Variants in HCLS1 observed in about 807,000 individuals in gnomAD.
HCLS1 encodes the protein hematopoietic lineage cell-specific protein.
In HCLS1, 44 loss-of-function variants were observed where a neutral mutation model predicts 68.6. That is an observed-to-expected ratio of 0.64 (90% CI 0.50 to 0.82). HCLS1 has a LOEUF of 0.82. Ranked by LOEUF, HCLS1 falls within the 40% of genes least tolerant of loss-of-function variation. The probability of loss-of-function intolerance (pLI) is 0.00; values close to 1 mark genes in which losing one functional copy is unlikely to be tolerated. For missense variants in HCLS1, 602 were observed against 612.1 expected, an observed-to-expected ratio of 0.98 and a Z score of 0.17; for synonymous variants, 217 against 225.8, an observed-to-expected ratio of 0.96 and a Z score of 0.35.
intron 3 of HCLS1, among the ~76,000 whole-genome samples, chr3:121,656,515 A>G (rs919673751): frequency 2.0e-5 from 3 of 152,176 alleles, no homozygotes; most frequent in African/African-American, 7.2e-5. Context: ...GACATATCCC[A>G]CAGAAACCCC....
At chr3:121,647,571 A>C in intron 3 of HCLS1, 123 bp from the exon 4 acceptor site, 1 of 902,002 alleles carries the variant, frequency 1.1e-6, no homozygotes, top group Non-Finnish European at 1.7e-6. Flanking sequence ...GGGCCCCCAA[A>C]ATATACTAGT....
At chr3:121,659,676 T>A (rs1032897339) in intron 1 of HCLS1, among the ~76,000 whole-genome samples, 1 of 152,212 alleles carries the variant, frequency 6.6e-6, no homozygotes, top group Non-Finnish European at 1.5e-5. Flanking sequence ...TGGCTTTCCC[T>A]GATGCGGTTG....
chr3:121,646,371 T>TTATTACTATGTAATA (rs546867872), intron 4 of HCLS1, among the ~76,000 whole-genome samples: 6 of 63,446 alleles, frequency 9.5e-5, no homozygotes, highest in African/African-American at 3.5e-4. Flanking sequence ...ATATTACATA[T>TTATTACTATGTAATA]TATTACTATG....
intron 9 of HCLS1, among the ~76,000 whole-genome samples, chr3:121,635,237 T>TTCTCTCTC (rs201290743): frequency 0.037 from 4,248 of 114,290 alleles, 127 homozygotes; most frequent in African/African-American, 0.07. Context: ...TCTCTCCCTT[T>TTCTCTCTC]TCTCTCTCTC....
At chr3:121,646,386 A>AT (rs1937605411) in intron 4 of HCLS1, among the ~76,000 whole-genome samples, 1 of 89,510 alleles carries the variant, frequency 1.1e-5, no homozygotes, top group Non-Finnish European at 2.0e-5. Context: ...ACTATGTAAT[A>AT]TATTACTATG....
At chr3:121,632,071 A>G in intron 13 of HCLS1, 30 bp downstream of exon 13, 1 of 1,613,176 alleles carries the variant, frequency 6.2e-7, no homozygotes, top group Non-Finnish European at 8.5e-7. Flanking sequence ...GCCTCCATGT[A>G]CCAGGCTCCT....
At chr3:121,632,022 T>A (rs1414222628) in intron 13 of HCLS1, 40 bp from the exon 14 acceptor site, 2 of 1,613,962 alleles carry the variant, frequency 1.2e-6, no homozygotes, top group Non-Finnish European at 1.7e-6. Flanking sequence ...TGGTCAGACA[T>A]GAATCTCTTT....
At chr3:121,634,503 A>G (rs2108856830) in intron 9 of HCLS1, 85 bp from the exon 10 acceptor site, 1 of 1,262,364 alleles carries the variant, frequency 7.9e-7, no homozygotes, top group Non-Finnish European at 1.1e-6. Flanking sequence ...AAGGGGAATC[A>G]GTTAAATATC....
chr3:121,643,632 T>G (rs912901299), intron 5 of HCLS1: 1 of 152,280 alleles, frequency 6.6e-6, no homozygotes, highest in Non-Finnish European at 1.5e-5. Flanking sequence ...ACTGGATATG[T>G]TGCCCAGATA....
chr3:121,640,379 C>T (rs545947713), intron 6 of HCLS1, among the ~76,000 whole-genome samples: 22 of 152,276 alleles, frequency 1.4e-4, no homozygotes, highest in African/African-American at 5.3e-4. Context: ...AAATATCCCT[C>T]TCCTTCACTA....
At chr3:121,654,830 C>A (rs1169750272) in intron 3 of HCLS1, among the ~76,000 whole-genome samples, 1 of 152,248 alleles carries the variant, frequency 6.6e-6, no homozygotes, top group Non-Finnish European at 1.5e-5. Flanking sequence ...CAATTTCCCT[C>A]TCCTTTCCAA....
chr3:121,643,509 A>G (rs1004851967), intron 5 of HCLS1: 1 of 153,642 alleles, frequency 6.5e-6, no homozygotes, highest in Non-Finnish European at 1.5e-5. Context: ...CCCTATTCCC[A>G]GTTGATAATG....
intron 4 of HCLS1, among the ~76,000 whole-genome samples, chr3:121,647,024 C>T (rs1937621755): frequency 6.7e-6 from 1 of 148,188 alleles, no homozygotes; most frequent in Non-Finnish European, 1.5e-5. Context: ...CTCTGTCTCC[C>T]AGGCTGGAGT....
rs1232473698 is a variant in HCLS1 at position 121,654,690 on chromosome 3, GC to G, written c.158+2588del. 4.6e-5 allele frequency among the ~76,000 whole-genome samples: 7 copies of G among 152,300 alleles called. No homozygotes were observed. In the East Asian group the frequency reaches 1.3e-3, roughly 29 times the overall value. On this transcript the variant is annotated intron_variant, in intron 3 of 13. Transcript: ENST00000314583. ...GAAGGTAGTAAGATTAGTAAGAACT[GC>G]AACCACTTCCTTTTCCTGCTTTTAG...
intron 4 of HCLS1, among the ~76,000 whole-genome samples, 190 bp from the exon 5 acceptor site, chr3:121,645,118 G>T (rs2049234460): frequency 6.6e-6 from 1 of 152,188 alleles, no homozygotes; most frequent in South Asian, 2.1e-4. Context: ...GCTCATCCCT[G>T]TTCTTCTCTA....
intron 6 of HCLS1, among the ~76,000 whole-genome samples, chr3:121,639,212 C>T (rs1472136235): frequency 6.6e-6 from 1 of 152,082 alleles, no homozygotes; most frequent in Non-Finnish European, 1.5e-5. Flanking sequence ...AACTAATAAA[C>T]CTAATTGACT....
Position 121,647,466 on chromosome 3 carries a change from A to C in HCLS1, c.159-18T>G, listed in dbSNP as rs772685507. ...GGTGGATGCTGGAAGAAACCACATG[A>C]CCAAGGCTCATCTATCCTAGGGAGA... On this transcript the variant is annotated intron_variant, in intron 3 of 13. Coordinates refer to ENST00000314583, the MANE Select transcript of HCLS1 (RefSeq NM_005335.6). 1 of 1,613,764 alleles carries C rather than the reference A, an allele frequency of 6.2e-7. No homozygotes were observed. Among genetic ancestry groups the C allele is most frequent in the Non-Finnish European group, 8.5e-7 (1 of 1,179,802 alleles).
At chr3:121,634,604 A>AT in intron 9 of HCLS1, among the ~76,000 whole-genome samples, 186 bp from the exon 10 acceptor site, 1 of 152,162 alleles carries the variant, frequency 6.6e-6, no homozygotes, top group East Asian at 1.9e-4. Flanking sequence ...TGAAGCCTGG[A>AT]TTTTTATAAA....
chr3:121,635,091 A>G (rs2049136123), intron 9 of HCLS1, among the ~76,000 whole-genome samples: 1 of 151,782 alleles, frequency 6.6e-6, no homozygotes, highest in African/African-American at 2.4e-5. Context: ...TTCCTCACCA[A>G]TGTTCCCATG....
Sources: allele counts gnomAD v4.1 joint callset (sites outside exome capture counted in the v4.1 genomes callset), GRCh38; gene constraint gnomAD v4.1.1; transcripts MANE v1.5; gene names NCBI Gene and HGNC (gene_info 2026-07-23, HGNC 2026-07-21).